Variants in ITPR2 observed in about 807,000 individuals in gnomAD.
The protein encoded by ITPR2 is inositol 1,4,5-trisphosphate-gated calcium channel ITPR2.
Under a neutral mutation model 317.1 loss-of-function variants are expected in ITPR2, and 207 were observed. The ratio of observed to expected loss-of-function variants is 0.65; its 90% confidence interval spans 0.58 to 0.73. The LOEUF (loss-of-function observed/expected upper bound fraction) is 0.73, where lower values mean the gene tolerates loss of function less well. ITPR2 is among the 30% of genes least tolerant of loss of function. The probability of loss-of-function intolerance (pLI) is 0.00; values close to 1 mark genes in which losing one functional copy is unlikely to be tolerated. For missense variants in ITPR2, 2,613 were observed against 3,284.0 expected (o/e 0.80, Z 4.99); for synonymous variants, 1,156 against 1,149.1 (o/e 1.01, Z -0.12).
chr12:26,782,070 A>C (rs71438634), intron 2 of ITPR2, among the ~76,000 whole-genome samples: 31,060 of 121,934 alleles, frequency 0.25, 5,500 homozygotes, highest in Non-Finnish European at 0.37. Flanking sequence ...AGAGAGAGAG[A>C]GAGCGAGAGA....
In ITPR2 at chr12:26,656,353, C is replaced by T. The variant is rs1408095520; in HGVS notation, c.2388G>A (p.Val796=). 2 of 1,614,062 alleles carry T rather than the reference C, an allele frequency of 1.2e-6. No individual in the cohort carries two copies. The highest frequency in any genetic ancestry group is 2.2e-5 in the East Asian group (1 of 44,886). ...TCCAGAGCCTGGCATAGCGAACAGG[C>T]ACCACGGACTCCTGGGGATCCCGGT... ...HVDRDPQESV[V]PVRYARLWTE... Residue 796 remains valine (V), a synonymous_variant, in exon 19 of 57, where the codon GTG becomes GTA. Coordinates refer to ENST00000381340, the MANE Select transcript of ITPR2 (RefSeq NM_002223.4).
rs67872654 is a variant in ITPR2, at chr12:26,712,634, T to TACACAC, written c.856-1372_856-1367dup. ...GATAAAATCTAATGTTTGTCTCAAATACACACACACACACACACACACACA... is the reference window on the plus strand; with the variant it reads ...GATAAAATCTAATGTTTGTCTCAAATACACACACACACACACACACACACACACACA... On this transcript the variant is annotated intron_variant, in intron 8 of 56. Transcript: ENST00000381340. Among the ~76,000 whole-genome samples, 48 of 149,040 alleles carry TACACAC rather than the reference T, an allele frequency of 3.2e-4. 1 individual carries two copies. Among genetic ancestry groups the TACACAC allele is most frequent in the East Asian group, 1.0e-3 (5 of 4,868 alleles).
At chr12:26,776,363 C>G (rs1467857706) in intron 2 of ITPR2, among the ~76,000 whole-genome samples, 1 of 152,130 alleles carries the variant, frequency 6.6e-6, no homozygotes, top group African/African-American at 2.4e-5. Flanking sequence ...GATTCTAACT[C>G]CTGGCTTCAG....
At chr12:26,816,001 G>C (rs926492272) in intron 1 of ITPR2, among the ~76,000 whole-genome samples, 3 of 149,984 alleles carry the variant, frequency 2.0e-5, no homozygotes, top group African/African-American at 7.3e-5. Context: ...GCTGAGGCAG[G>C]AGAATGGTGT....
chr12:26,685,905 T>C (rs144631747), intron 11 of ITPR2, among the ~76,000 whole-genome samples: 109 of 152,320 alleles, frequency 7.2e-4, no homozygotes, highest in African/African-American at 2.4e-3. Context: ...TCCTACCTAA[T>C]AGAACTCTCC....
rs756954247 is a variant in ITPR2, at chr12:26,724,626, T to C, written c.366+30A>G. 3.6e-6 allele frequency: 5 copies of C among 1,370,378 alleles called. 1 individual carries two copies. The South Asian group carries it at 6.0e-5, about 16-fold the overall frequency. 84.9% of individuals were successfully genotyped at this position (1,370,378 alleles called of 1,614,324 possible). A position where few individuals can be genotyped will look rare whatever the true frequency, so the allele number is the denominator to read the frequency against. On this transcript the variant is annotated intron_variant, in intron 4 of 56. Transcript: ENST00000381340. ...ACTTACTGACAAACTCCACATAAAA[T>C]ACTCACCTCGTTTAAGAGAAAATAC...
intron 47 of ITPR2, among the ~76,000 whole-genome samples, chr12:26,438,794 C>T (rs1592024350): frequency 6.6e-6 from 1 of 152,208 alleles, no homozygotes; most frequent in Non-Finnish European, 1.5e-5. Context: ...CACTGATAGG[C>T]CAGTCAGGGC....
chr12:26,366,999 C>T (rs1016750582), intron 55 of ITPR2, among the ~76,000 whole-genome samples: 5 of 152,122 alleles, frequency 3.3e-5, no homozygotes, highest in African/African-American at 1.2e-4. Flanking sequence ...CAACTTCTCC[C>T]AAATTCTCAA....
rs1945864861 is a variant in ITPR2, at chr12:26,597,077, T to C, written c.4060A>G (p.Ile1354Val). Reference protein sequence around the residue: ...IFYNDRASFPILLHMMCSERD... With the variant: ...IFYNDRASFPVLLHMMCSERD... ...TCTGAACACATCATATGGAGAAGGA[T>C]TGGAAATGATGCTCTATCATTGTAA... Residue 1354 changes from isoleucine to valine, a missense_variant, in exon 31 of 57, where the codon ATC (isoleucine) becomes GTC (valine). Ile to Val is a conservative substitution (Grantham distance 29, BLOSUM62 3). Around this residue, in one of 9 missense-constraint regions of ITPR2, gnomAD observed 817 missense variants for 897.6 expected, o/e 0.91. Transcript: ENST00000381340. The C allele has an allele frequency of 6.2e-7, 1 of 1,613,912 alleles. No individual in the cohort carries two copies. Among genetic ancestry groups the C allele is most frequent in the Non-Finnish European group, 8.5e-7 (1 of 1,179,858 alleles).
chr12:26,579,103 G>A (rs994613274), intron 33 of ITPR2, among the ~76,000 whole-genome samples: 1 of 152,058 alleles, frequency 6.6e-6, no homozygotes, highest in Non-Finnish European at 1.5e-5. Context: ...TGAAGCCAAT[G>A]ACATGAATAT....
At chr12:26,757,173 G>C (rs1427400289) in intron 2 of ITPR2, among the ~76,000 whole-genome samples, 1 of 151,998 alleles carries the variant, frequency 6.6e-6, no homozygotes, top group Non-Finnish European at 1.5e-5. Flanking sequence ...ACAGCCCACA[G>C]GGCTGCTCTG....
chr12:26,629,744 TTCTC>T (rs150195472), intron 22 of ITPR2, among the ~76,000 whole-genome samples: 15 of 150,110 alleles, frequency 1.0e-4, no homozygotes, highest in Admixed American at 6.0e-4. Context: ...CTTTCTCTTT[TTCTC>T]TCTCTCTCTC....
chr12:26,399,593 A>G (rs966975511), intron 53 of ITPR2, among the ~76,000 whole-genome samples: 2 of 152,216 alleles, frequency 1.3e-5, no homozygotes, highest in African/African-American at 2.4e-5. Context: ...TGATTTGACA[A>G]TATGATACAA....
chr12:26,772,382 T>C (rs918459232), intron 2 of ITPR2, among the ~76,000 whole-genome samples: 1 of 137,794 alleles, frequency 7.3e-6, no homozygotes, highest in Non-Finnish European at 1.6e-5. Context: ...CTTTCTACCT[T>C]GTGTTATATT....
chr12:26,569,804 A>T (rs1245565556), intron 34 of ITPR2, among the ~76,000 whole-genome samples: 2 of 152,212 alleles, frequency 1.3e-5, no homozygotes, highest in African/African-American at 4.8e-5. Flanking sequence ...GTTGGCAAAA[A>T]TCTAACGCAC....
At chr12:26,465,142 ACTAGAAGAC>A (rs1242290727) in intron 45 of ITPR2, among the ~76,000 whole-genome samples, 3 of 152,246 alleles carry the variant, frequency 2.0e-5, no homozygotes, top group Non-Finnish European at 4.4e-5. Context: ...AATGGTTCTG[ACTAGAAGAC>A]CTCTAACAGA....
intron 2 of ITPR2, among the ~76,000 whole-genome samples, chr12:26,783,440 G>A (rs568269624): frequency 1.3e-5 from 2 of 152,220 alleles, no homozygotes; most frequent in South Asian, 2.1e-4. Context: ...TTACTTCCGT[G>A]TTTTATCACC....
intron 1 of ITPR2, 111 bp downstream of exon 1, chr12:26,832,579 C>A (rs1951133286): frequency 4.1e-6 from 3 of 740,510 alleles, no homozygotes; most frequent in Non-Finnish European, 4.2e-6. Flanking sequence ...CGACCCTGCC[C>A]GGCCGGGCCA....
At chr12:26,749,841 T>C (rs761160180) in intron 2 of ITPR2, among the ~76,000 whole-genome samples, 3 of 152,252 alleles carry the variant, frequency 2.0e-5, no homozygotes, top group Non-Finnish European at 4.4e-5. Flanking sequence ...TCAGTAATCA[T>C]GTATGGGTTT....
Sources: gnomAD v4.1 joint callset for allele counts (sites outside exome capture counted in the v4.1 genomes callset) on GRCh38, gnomAD v4.1.1 for gene constraint, gnomAD v4.1.1 regional missense constraint, MANE v1.5 for transcripts, NCBI Gene and HGNC (gene_info 2026-07-23, HGNC 2026-07-21) for gene names.